Variants in LPGAT1 observed in about 807,000 individuals in gnomAD.
The protein encoded by LPGAT1 is lysophosphatidylglycerol acyltransferase 1, also known as acyl-CoA:lysophosphatidylglycerol acyltransferase 1.
A neutral mutation model predicts 47.5 loss-of-function variants in LPGAT1; 11 were observed. That is an observed-to-expected ratio of 0.23 (90% CI 0.15 to 0.38). The LOEUF is 0.38. Among genes scored for constraint, LPGAT1 ranks in the 10% least tolerant of loss-of-function variants. The probability of loss-of-function intolerance (pLI) is 1.00; values close to 1 mark genes in which losing one functional copy is unlikely to be tolerated. For missense variants in LPGAT1, 293 were observed against 439.0 expected (o/e 0.67, Z 2.97); for synonymous variants, 138 against 144.2 (o/e 0.96, Z 0.31).
chr1:211,806,675 AAAATT>A (rs1659775134), intron 2 of LPGAT1, among the ~76,000 whole-genome samples: 1 of 152,236 alleles, frequency 6.6e-6, no homozygotes, highest in Non-Finnish European at 1.5e-5. Context: ...TTTAACAAAT[AAAATT>A]TTTTTAAAAA....
chr1:211,791,774 C>CAAAA (rs78791498), intron 3 of LPGAT1, among the ~76,000 whole-genome samples: 2 of 121,762 alleles, frequency 1.6e-5, no homozygotes, highest in Non-Finnish European at 3.7e-5. Flanking sequence ...AACAAACAAA[C>CAAAA]AAAAAAAAAA....
Position 211,823,588 on chromosome 1 carries a change from G to A in LPGAT1, c.238+5471C>T, listed in dbSNP as rs567185567. 1.0e-3 allele frequency among the ~76,000 whole-genome samples: 157 copies of A among 151,994 alleles called. 2 individuals are homozygous for A. Among genetic ancestry groups the A allele is most frequent in the Non-Finnish European group, 4.4e-4 (30 of 67,998 alleles). On this transcript the variant is annotated intron_variant, in intron 2 of 7. Coordinates refer to ENST00000366997, the MANE Select transcript of LPGAT1 (RefSeq NM_014873.3). ...ACTGATTACGTCTTGTGCCTATCAG[G>A]TACCTCCAGGGTACCTGTTCCCACA...
intron 2 of LPGAT1, among the ~76,000 whole-genome samples, chr1:211,799,136 T>C (rs913899904): frequency 6.6e-6 from 1 of 152,036 alleles, no homozygotes; most frequent in Non-Finnish European, 1.5e-5. Context: ...TTGTACACAC[T>C]AGGAAATCAT....
At chr1:211,762,396 T>C (rs1265460580) in intron 6 of LPGAT1, among the ~76,000 whole-genome samples, 1 of 152,214 alleles carries the variant, frequency 6.6e-6, no homozygotes, top group Non-Finnish European at 1.5e-5. Flanking sequence ...CTGCCCAGAA[T>C]AGCTGGGATA....
intron 2 of LPGAT1, among the ~76,000 whole-genome samples, chr1:211,817,988 C>T (rs1228208017): frequency 2.0e-5 from 3 of 152,028 alleles, no homozygotes; most frequent in Admixed American, 6.5e-5. Context: ...GTATGCACCA[C>T]CACACCAGTC....
chr1:211,793,362 T>C, intron 2 of LPGAT1, 172 bp from the exon 3 acceptor site: 1 of 326,210 alleles, frequency 3.1e-6, no homozygotes, highest in East Asian at 5.2e-5. Context: ...AATATAACTT[T>C]TATAGAGCCC....
At chr1:211,769,243 G>A (rs1658063073) in intron 6 of LPGAT1, among the ~76,000 whole-genome samples, 1 of 152,126 alleles carries the variant, frequency 6.6e-6, no homozygotes, top group South Asian at 2.1e-4. Flanking sequence ...AAGTGGTCAG[G>A]GGATATGTAT....
At chr1:211,794,303 T>C (rs12122086) in intron 2 of LPGAT1, among the ~76,000 whole-genome samples, 12,715 of 152,248 alleles carry the variant, frequency 0.084, 655 homozygotes, top group Admixed American at 0.15. Context: ...TTTATATTTA[T>C]TTTTAACTTT....
At chr1:211,777,603 ACT>A (rs1658456853) in intron 6 of LPGAT1, among the ~76,000 whole-genome samples, 1 of 152,260 alleles carries the variant, frequency 6.6e-6, no homozygotes, top group African/African-American at 2.4e-5. Context: ...TGTTCTTGCT[ACT>A]GTTGTTTATG....
At position 211,830,578 on chromosome 1, in the gene LPGAT1, G is replaced by A. The variant is rs1024997023; in HGVS notation, c.-33C>T. 1 of 1,208,800 alleles carries A rather than the reference G, an allele frequency of 8.3e-7. No homozygotes were observed. The highest frequency in any genetic ancestry group is 1.0e-6 in the Non-Finnish European group (1 of 973,082). The allele number at this position is 1,208,800 out of a possible 1,614,324, so 74.9% of individuals were successfully genotyped here. Reference sequence around the variant, plus strand: ...ACCGCGGAGCCGGAGGTTACCTCGGGCTGGCCGGGCCCCAGCCGGGGCTTT... The same window carrying A: ...ACCGCGGAGCCGGAGGTTACCTCGGACTGGCCGGGCCCCAGCCGGGGCTTT... On this transcript the variant is annotated 5_prime_UTR_variant, in exon 1 of 8. Transcript: ENST00000366997. The surrounding 1 kb of genome is among the most constrained non-coding windows in gnomAD (Gnocchi z 5.9).
chr1:211,787,781 T>G, intron 3 of LPGAT1, 54 bp from the exon 4 acceptor site: 1 of 1,056,958 alleles, frequency 9.5e-7, no homozygotes, highest in Non-Finnish European at 1.4e-6. Context: ...CTGACTATAG[T>G]TGAGCTGAGT....
intron 2 of LPGAT1, among the ~76,000 whole-genome samples, chr1:211,797,686 T>C (rs974195768): frequency 7.9e-5 from 12 of 152,104 alleles, no homozygotes; most frequent in Admixed American, 7.2e-4. Context: ...CCAGTAAATA[T>C]AGTAATAAAG....
intron 2 of LPGAT1, among the ~76,000 whole-genome samples, chr1:211,798,994 A>C (rs1558274395): frequency 6.6e-6 from 1 of 152,224 alleles, no homozygotes; most frequent in Non-Finnish European, 1.5e-5. Flanking sequence ...CCCCATCTCC[A>C]TAACATTCTA....
chr1:211,784,411 T>G lies in LPGAT1; in HGVS notation c.454-909A>C, dbSNP rs1333263781. Among the ~76,000 whole-genome samples, 5 of 150,964 alleles carry G rather than the reference T, an allele frequency of 3.3e-5. No individual in the cohort carries two copies. In the East Asian group the frequency reaches 9.7e-4, roughly 29 times the overall value. ...GAGGCTGAGGCAGGAGGATCACTTG[T>G]GCCCACAAGTTCGAGGATGCAGTGA... On this transcript the variant is annotated intron_variant, in intron 4 of 7. Transcript: ENST00000366997.
intron 6 of LPGAT1, among the ~76,000 whole-genome samples, chr1:211,760,404 G>GAGGTTGCGGTGAGCCC (rs1657646744): frequency 6.6e-6 from 1 of 152,176 alleles, no homozygotes; most frequent in Non-Finnish European, 1.5e-5. Flanking sequence ...GCGGTGAGCC[G>GAGGTTGCGGTGAGCCC]AGATTGCATC....
Position 211,749,824 on chromosome 1 carries a change from C to T in LPGAT1, c.*75G>A, listed in dbSNP as rs538038485. The T allele has an allele frequency of 1.3e-5, 19 of 1,411,254 alleles. No individual in the cohort carries two copies. In the African/African-American group the frequency reaches 2.6e-4, roughly 19 times the overall value. 87.4% of individuals were successfully genotyped at this position (1,411,254 alleles called of 1,614,324 possible). On this transcript the variant is annotated 3_prime_UTR_variant, in exon 8 of 8. Transcript: ENST00000366997. ...TTTTTTTTAAATATATTCTGATTTG[C>T]ACATGTAAAATAATGCACACTTATG... is the stretch of plus-strand genomic sequence containing the variant.
At chr1:211,803,764 C>CTT (rs372453326) in intron 2 of LPGAT1, among the ~76,000 whole-genome samples, 9,196 of 138,972 alleles carry the variant, frequency 0.066, 375 homozygotes, top group Middle Eastern at 0.13. Context: ...GTTTTTCTTT[C>CTT]TTTTTTTTTT....
At chr1:211,810,970 C>T (rs1659967469) in intron 2 of LPGAT1, among the ~76,000 whole-genome samples, 3 of 152,200 alleles carry the variant, frequency 2.0e-5, no homozygotes, top group Non-Finnish European at 4.4e-5. Context: ...GGGAAGTAGG[C>T]TTCCTATATG....
At chr1:211,813,715 C>T (rs757931637) in intron 2 of LPGAT1, among the ~76,000 whole-genome samples, 1 of 152,180 alleles carries the variant, frequency 6.6e-6, no homozygotes, top group Non-Finnish European at 1.5e-5. Flanking sequence ...GTTCTCTTAG[C>T]ATCAGGTTGA....
Sources: allele counts gnomAD v4.1 joint callset (sites outside exome capture counted in the v4.1 genomes callset), GRCh38; gene constraint gnomAD v4.1.1; non-coding constraint Gnocchi (gnomAD v3.1); transcripts MANE v1.5; gene names NCBI Gene and HGNC (gene_info 2026-07-23, HGNC 2026-07-21).